HECW2: variants seen among roughly 807,000 people sequenced by gnomAD.
The protein encoded by HECW2 is HECT, C2 and WW domain containing E3 ubiquitin protein ligase 2.
Under a neutral mutation model 175.2 loss-of-function variants are expected in HECW2, and 61 were observed. The observed-to-expected ratio is 0.35, with a 90% CI of 0.28 to 0.43. HECW2 has a LOEUF of 0.43. HECW2 is among the 20% of genes least tolerant of loss of function. The probability of loss-of-function intolerance (pLI) is 1.00; values close to 1 mark genes in which losing one functional copy is unlikely to be tolerated. For synonymous variants in HECW2, 671 were observed against 731.0 expected, an observed-to-expected ratio of 0.92 and a Z score of 1.32; for missense variants, 1,524 against 2,000.5, an observed-to-expected ratio of 0.76 and a Z score of 4.54.
chr2:196,269,129 T>C (rs1220696719), intron 17 of HECW2, among the ~76,000 whole-genome samples: 7 of 152,306 alleles, frequency 4.6e-5, no homozygotes, highest in African/African-American at 1.7e-4. Flanking sequence ...TATAGTATAA[T>C]ACTTGAAATT....
intron 1 of HECW2, among the ~76,000 whole-genome samples, chr2:196,543,495 G>A (rs1689297392): frequency 6.6e-6 from 1 of 152,106 alleles, no homozygotes; most frequent in African/African-American, 2.4e-5. Flanking sequence ...TTATAGATGT[G>A]CAGATGCGAG....
intron 2 of HECW2, among the ~76,000 whole-genome samples, chr2:196,398,340 A>C (rs931005361): frequency 6.6e-6 from 1 of 152,266 alleles, no homozygotes; most frequent in Non-Finnish European, 1.5e-5. Context: ...ACAGACATAT[A>C]GTAAAATGTG....
intron 13 of HECW2, 89 bp downstream of exon 13, chr2:196,306,399 C>T: frequency 7.7e-7 from 1 of 1,295,328 alleles, no homozygotes; most frequent in Non-Finnish European, 1.1e-6. Flanking sequence ...AAACATTCGC[C>T]ATTATCATTC....
chr2:196,590,263 G>C (rs938248612), intron 1 of HECW2, among the ~76,000 whole-genome samples: 1 of 152,106 alleles, frequency 6.6e-6, no homozygotes, highest in Non-Finnish European at 1.5e-5. Flanking sequence ...AGGGCATCTC[G>C]TCACCTTTCT....
chr2:196,465,609 G>A (rs1020178286), intron 1 of HECW2, among the ~76,000 whole-genome samples: 1 of 151,632 alleles, frequency 6.6e-6, no homozygotes, highest in South Asian at 2.1e-4. Flanking sequence ...CTTAACTTTT[G>A]CTTTTCCATG....
At chr2:196,559,469 T>C (rs1242365469) in intron 1 of HECW2, among the ~76,000 whole-genome samples, 1 of 152,194 alleles carries the variant, frequency 6.6e-6, no homozygotes, top group East Asian at 1.9e-4. Context: ...AAGCTAACGT[T>C]GGGCTAATGT....
intron 1 of HECW2, among the ~76,000 whole-genome samples, chr2:196,552,881 G>A (rs1429716688): frequency 6.6e-6 from 1 of 152,150 alleles, no homozygotes; most frequent in Non-Finnish European, 1.5e-5. Flanking sequence ...CCGGCATTAA[G>A]GAAGTCTCTA....
intron 2 of HECW2, among the ~76,000 whole-genome samples, chr2:196,389,547 C>T (rs1277349476): frequency 6.6e-6 from 1 of 152,188 alleles, no homozygotes; most frequent in East Asian, 1.9e-4. Context: ...AGAACACCTA[C>T]AAACAGCCTG....
rs140130376 is a variant in HECW2 at position 196,356,943 on chromosome 2, T to C, written c.293-13179A>G. The stretch of plus-strand genomic sequence containing the variant: ...CCGTGGATAAGGTGGAATTACTGTA[T>C]GCACAGAGTGAACCCAGTCTTGCTC... On this transcript the variant is annotated intron_variant, in intron 2 of 28. Transcript: ENST00000644978. 3.5e-4 allele frequency among the ~76,000 whole-genome samples: 53 copies of C among 152,296 alleles called. 1 individual carries two copies. The East Asian group carries it at 8.9e-3, about 26-fold the overall frequency.
At chr2:196,316,260 G>A (rs1192217113) in intron 10 of HECW2, 1 of 152,186 alleles carries the variant, frequency 6.6e-6, no homozygotes, top group African/African-American at 2.4e-5. Context: ...AAAGGATTAA[G>A]CTGATATTTT....
intron 17 of HECW2, among the ~76,000 whole-genome samples, chr2:196,264,755 C>T (rs1408626411): frequency 2.6e-5 from 4 of 152,126 alleles, no homozygotes; most frequent in East Asian, 3.9e-4. Flanking sequence ...TAGATATATA[C>T]GTGATATACA....
intron 17 of HECW2, among the ~76,000 whole-genome samples, chr2:196,262,668 T>G (rs1263064303): frequency 6.6e-6 from 1 of 151,926 alleles, no homozygotes; most frequent in East Asian, 1.9e-4. Flanking sequence ...CGGGTTCAAG[T>G]GATTCTCCTG....
chr2:196,421,737 T>TG (rs1267021905), intron 2 of HECW2, among the ~76,000 whole-genome samples: 9 of 152,212 alleles, frequency 5.9e-5, no homozygotes, highest in African/African-American at 2.2e-4. Flanking sequence ...CAAATAAGCA[T>TG]GGGGGGCAAT....
At chr2:196,216,961 C>T (rs907369820) in intron 27 of HECW2, 47 bp downstream of exon 27, 1 of 1,256,840 alleles carries the variant, frequency 8.0e-7, no homozygotes. Context: ...ACACTTCCAA[C>T]AATAATCATA....
chr2:196,358,828 C>T (rs893848279), intron 2 of HECW2, among the ~76,000 whole-genome samples: 3 of 152,130 alleles, frequency 2.0e-5, no homozygotes, highest in Admixed American at 1.3e-4. Context: ...AAAGAACAGG[C>T]AGCATGGGTG....
chr2:196,213,722 T>C (rs1049159491), intron 28 of HECW2, among the ~76,000 whole-genome samples: 1 of 152,224 alleles, frequency 6.6e-6, no homozygotes, highest in African/African-American at 2.4e-5. Context: ...GCTACAATAA[T>C]GAAGAATACC....
intron 17 of HECW2, among the ~76,000 whole-genome samples, chr2:196,259,153 TG>T (rs1488805417): frequency 1.3e-5 from 2 of 152,162 alleles, no homozygotes; most frequent in African/African-American, 4.8e-5. Flanking sequence ...TTTGTACTTT[TG>T]GTGGAGATGG....
chr2:196,205,308 G>A (rs893111359), intron 28 of HECW2, among the ~76,000 whole-genome samples: 1 of 152,220 alleles, frequency 6.6e-6, no homozygotes, highest in Non-Finnish European at 1.5e-5. Context: ...CCTAGGGAAA[G>A]TCCAACATTA....
chr2:196,535,885 A>G (rs1388107725), intron 1 of HECW2, among the ~76,000 whole-genome samples: 1 of 152,338 alleles, frequency 6.6e-6, no homozygotes, highest in African/African-American at 2.4e-5. Context: ...GATGTCATCA[A>G]TTAGAGATCT....
Sources: allele counts gnomAD v4.1 joint callset (sites outside exome capture counted in the v4.1 genomes callset), GRCh38; gene constraint gnomAD v4.1.1; transcripts MANE v1.5; gene names NCBI Gene and HGNC (gene_info 2026-07-23, HGNC 2026-07-21).